Variants in LYRM4 observed in about 807,000 individuals in gnomAD.
LYRM4 encodes LYR motif-containing protein 4.
In LYRM4, 9 loss-of-function variants were observed where a neutral mutation model predicts 11.7. The observed-to-expected ratio is 0.77, with a 90% CI of 0.46 to 1.34. LYRM4 has a LOEUF of 1.34. Among genes scored for constraint, LYRM4 ranks in the 40% most tolerant of loss-of-function variants. The pLI, the probability that LYRM4 is intolerant of heterozygous loss-of-function variation, is 0.00. For synonymous variants in LYRM4, 42 were observed against 40.4 expected (o/e 1.04, Z -0.15); for missense variants, 133 against 112.5 (o/e 1.18, Z -0.82).
the LYRM4 span, among the ~76,000 whole-genome samples, chr6:5,073,509 T>C: frequency 6.7e-6 from 1 of 148,290 alleles, no homozygotes; most frequent in Non-Finnish European, 1.5e-5. Context: ...TATATATATC[T>C]CTCTATATAT....
chr6:5,255,320 T>C (rs1046255535), intron 1 of LYRM4, among the ~76,000 whole-genome samples: 1 of 152,140 alleles, frequency 6.6e-6, no homozygotes, highest in African/African-American at 2.4e-5. Context: ...TAGCAACAAA[T>C]TGTAGATAGC....
At chr6:5,222,176 G>A (rs1762619593) in intron 1 of LYRM4, among the ~76,000 whole-genome samples, 1 of 152,152 alleles carries the variant, frequency 6.6e-6, no homozygotes, top group Non-Finnish European at 1.5e-5. Context: ...GCTCACCACT[G>A]TATGTGTCTG....
At chr6:5,195,307 A>G (rs1181236548) in intron 2 of LYRM4, among the ~76,000 whole-genome samples, 2 of 152,140 alleles carry the variant, frequency 1.3e-5, no homozygotes, top group Non-Finnish European at 2.9e-5. Flanking sequence ...TGTTAAGGAC[A>G]TTACAAAACC....
intron 2 of LYRM4, among the ~76,000 whole-genome samples, chr6:5,203,819 C>T (rs1288958434): frequency 3.3e-5 from 5 of 152,298 alleles, no homozygotes; most frequent in Non-Finnish European, 5.9e-5. Context: ...GAAAGAAGAA[C>T]GGACAGCTGC....
At chr6:5,063,162 G>A in the LYRM4 span, among the ~76,000 whole-genome samples, 1 of 152,004 alleles carries the variant, frequency 6.6e-6, no homozygotes, top group Non-Finnish European at 1.5e-5. Flanking sequence ...TTTGAATGGG[G>A]CAAACTGGGC....
intron 1 of LYRM4, among the ~76,000 whole-genome samples, chr6:5,244,541 A>G (rs1764053411): frequency 6.6e-6 from 1 of 152,122 alleles, no homozygotes; most frequent in Non-Finnish European, 1.5e-5. Context: ...AGGAGAAGAG[A>G]GACTCCTCTC....
chr6:5,239,665 G>A (rs1173098189), intron 1 of LYRM4, among the ~76,000 whole-genome samples: 1 of 152,070 alleles, frequency 6.6e-6, no homozygotes, highest in African/African-American at 2.4e-5. Context: ...CAAGAAGGAA[G>A]GTGGCAGGCC....
chr6:5,221,783 G>T (rs935120013), intron 1 of LYRM4, among the ~76,000 whole-genome samples: 2 of 152,222 alleles, frequency 1.3e-5, no homozygotes, highest in African/African-American at 2.4e-5. Context: ...GCAGTCAACT[G>T]CCCAAGTCAA....
chr6:5,140,289 T>C (rs930145861), intron 2 of LYRM4, among the ~76,000 whole-genome samples: 1 of 152,040 alleles, frequency 6.6e-6, no homozygotes, highest in Non-Finnish European at 1.5e-5. Flanking sequence ...CTATTCTGGT[T>C]CACAGGCTGC....
chr6:5,085,205 C>A, the LYRM4 span: 1 of 434,828 alleles, frequency 2.3e-6, no homozygotes. Context: ...CGCCTCCCCG[C>A]CCCCGGCCCT....
chr6:5,114,161 C>A (rs756586317), intron 2 of LYRM4, among the ~76,000 whole-genome samples: 3 of 152,188 alleles, frequency 2.0e-5, no homozygotes, highest in African/African-American at 7.2e-5. Flanking sequence ...AGTTTGTCTC[C>A]GTTCTGCCTG....
At chr6:5,039,950 C>T in the LYRM4 span, among the ~76,000 whole-genome samples, 1 of 152,116 alleles carries the variant, frequency 6.6e-6, no homozygotes, top group East Asian at 1.9e-4. Flanking sequence ...GACCCACACA[C>T]GTGTGGACAC....
intron 2 of LYRM4, among the ~76,000 whole-genome samples, chr6:5,201,779 A>G (rs929737244): frequency 2.0e-5 from 3 of 152,224 alleles, no homozygotes; most frequent in African/African-American, 7.2e-5. Context: ...CTACGAAAGT[A>G]TATCTACCTA....
the LYRM4 span, among the ~76,000 whole-genome samples, chr6:5,039,241 G>A: frequency 2.0e-5 from 3 of 152,134 alleles, no homozygotes; most frequent in East Asian, 5.8e-4. Context: ...GTATTGTTTT[G>A]TCTTAGAATT....
chr6:5,250,541 A>T (rs1437072363), intron 1 of LYRM4, among the ~76,000 whole-genome samples: 1 of 152,140 alleles, frequency 6.6e-6, no homozygotes, highest in Middle Eastern at 3.2e-3. Context: ...TGTTTTTTGG[A>T]AACTCCAGCA....
chr6:5,089,863 C>T, the LYRM4 span, among the ~76,000 whole-genome samples: 1 of 152,262 alleles, frequency 6.6e-6, no homozygotes, highest in Admixed American at 6.5e-5. Flanking sequence ...ATAAAAGTGC[C>T]AACTTCTCAT....
At chr6:5,162,498 CGA>C (rs368959129) in intron 2 of LYRM4, among the ~76,000 whole-genome samples, 14 of 148,360 alleles carry the variant, frequency 9.4e-5, no homozygotes, top group Non-Finnish European at 1.7e-4. Flanking sequence ...AGAGAGCGAG[CGA>C]GAGAGAGAGA....
chr6:5,108,299 T>C (rs941869800), downstream of LYRM4: 4 of 260,708 alleles, frequency 1.5e-5, no homozygotes, highest in African/African-American at 6.9e-5. Context: ...CACTGAGCAC[T>C]GTATGCAAAG....
At chr6:5,078,157 T>C in the LYRM4 span, among the ~76,000 whole-genome samples, 6,464 of 151,840 alleles carry the variant, frequency 0.043, 208 homozygotes, top group Admixed American at 0.092. Context: ...TTTAAAAACA[T>C]ATAAAAAGCC....
Sources: allele counts gnomAD v4.1 joint callset (sites outside exome capture counted in the v4.1 genomes callset), GRCh38; gene constraint gnomAD v4.1.1; transcripts MANE v1.5; gene names NCBI Gene and HGNC (gene_info 2026-07-23, HGNC 2026-07-21).